The following CERS3 variants were observed in gnomAD, a reference collection of about 807,000 sequenced individuals.
The protein encoded by CERS3 is ceramide synthase 3.
Under a neutral mutation model 50.3 loss-of-function variants are expected in CERS3, and 33 were observed. The ratio of observed to expected loss-of-function variants is 0.66; its 90% CI spans 0.50 to 0.88. CERS3 has a LOEUF of 0.88. CERS3 is among the 40% of genes least tolerant of loss of function. The pLI is 0.00. For synonymous variants in CERS3, 176 were observed against 155.2 expected, an observed-to-expected ratio of 1.13 and a Z score of -0.99; for missense variants, 470 against 460.3, an observed-to-expected ratio of 1.02 and a Z score of -0.19.
At chr15:100,509,730 A>G (rs2411827) in intron 2 of CERS3, among the ~76,000 whole-genome samples, 143,403 of 152,238 alleles carry the variant, frequency 0.94, 67,782 homozygotes, top group Middle Eastern at 0.99. Context: ...CTCTGTAACA[A>G]AAGGACCTTC....
At chr15:100,542,427 C>T (rs1014780289) in intron 1 of CERS3, among the ~76,000 whole-genome samples, 1 of 152,184 alleles carries the variant, frequency 6.6e-6, no homozygotes, top group Non-Finnish European at 1.5e-5. Flanking sequence ...CTTCCATAAT[C>T]GGCAACCGCC....
At chr15:100,512,555 A>C (rs2036375876) in intron 2 of CERS3, among the ~76,000 whole-genome samples, 1 of 152,182 alleles carries the variant, frequency 6.6e-6, no homozygotes, top group Non-Finnish European at 1.5e-5. Flanking sequence ...GAGGGTCTGC[A>C]TGTCAGCCTG....
intron 2 of CERS3, among the ~76,000 whole-genome samples, chr15:100,510,306 C>A (rs953086826): frequency 6.6e-6 from 1 of 151,958 alleles, no homozygotes; most frequent in South Asian, 2.1e-4. Flanking sequence ...AGAAAAATAT[C>A]CTATACTGTA....
At chr15:100,524,402 C>T (rs533955833) in intron 1 of CERS3, among the ~76,000 whole-genome samples, 1 of 152,268 alleles carries the variant, frequency 6.6e-6, no homozygotes, top group Admixed American at 6.5e-5. Flanking sequence ...TTATAGTCAT[C>T]ATCTAGAAAA....
At chr15:100,407,072 C>T (rs2031096833) in intron 11 of CERS3, among the ~76,000 whole-genome samples, 1 of 152,140 alleles carries the variant, frequency 6.6e-6, no homozygotes, top group Non-Finnish European at 1.5e-5. Flanking sequence ...TGGGTCCCTC[C>T]CATGATACAT....
intron 2 of CERS3, among the ~76,000 whole-genome samples, chr15:100,519,158 CA>C (rs11303130): frequency 0.59 from 85,534 of 144,510 alleles, 25,110 homozygotes; most frequent in Admixed American, 0.69. Context: ...GACTCCATCT[CA>C]AAAAAAAAAA....
At chr15:100,538,330 T>C (rs2037120908) in intron 1 of CERS3, among the ~76,000 whole-genome samples, 1 of 152,216 alleles carries the variant, frequency 6.6e-6, no homozygotes, top group Admixed American at 6.5e-5. Context: ...GTGGGAATTC[T>C]GTGTGGGGAC....
chr15:100,490,322 C>T (rs531691966), intron 4 of CERS3, among the ~76,000 whole-genome samples: 12 of 152,140 alleles, frequency 7.9e-5, no homozygotes, highest in Admixed American at 7.9e-4. Context: ...GGAGAATAGT[C>T]GGGGCACAGC....
intron 1 of CERS3, among the ~76,000 whole-genome samples, chr15:100,524,742 TA>T (rs2036737576): frequency 6.6e-6 from 1 of 152,256 alleles, no homozygotes; most frequent in Admixed American, 6.5e-5. Flanking sequence ...TGATGTCAAG[TA>T]ATCTTCATTA....
chr15:100,415,024 G>T (rs954190621), intron 11 of CERS3, among the ~76,000 whole-genome samples: 27 of 152,066 alleles, frequency 1.8e-4, no homozygotes, highest in South Asian at 1.0e-3. Context: ...GAAAATTTTT[G>T]CAATCTACCC....
In CERS3 at chr15:100,475,986, A is replaced by C. The variant is rs185095127; in HGVS notation, c.609+100T>G. 7 of 711,882 alleles carry C rather than the reference A, an allele frequency of 9.8e-6. No individual in the cohort carries two copies. In the African/African-American group the frequency reaches 1.3e-4, roughly 13 times the overall value. The allele number at this position is 711,882 out of a possible 1,614,324, so 44.1% of individuals were successfully genotyped here. On this transcript the variant is annotated intron_variant, in intron 8 of 11. Transcript: ENST00000679737. ...CACACAAAAGCAATGAACTGGACCC[A>C]AAAACACAGAAAAATACAACTTAAA...
chr15:100,501,606 C>A, intron 3 of CERS3, 71 bp downstream of exon 3: 1 of 1,334,370 alleles, frequency 7.5e-7, no homozygotes. Context: ...TCTCACTAAG[C>A]CTAAGACTGT....
intron 11 of CERS3, among the ~76,000 whole-genome samples, chr15:100,413,865 A>T (rs912092050): frequency 9.8e-6 from 1 of 102,064 alleles, no homozygotes; most frequent in Non-Finnish European, 2.3e-5. Context: ...CTGGAAACAT[A>T]TAACCTCCCA....
chr15:100,453,371 A>T (rs1241118193), intron 11 of CERS3, among the ~76,000 whole-genome samples: 5 of 152,242 alleles, frequency 3.3e-5, no homozygotes, highest in African/African-American at 1.2e-4. Context: ...AATGTGATAC[A>T]TTACATCGAC....
chr15:100,460,557 C>T (rs1271635279), intron 10 of CERS3, among the ~76,000 whole-genome samples: 1 of 152,196 alleles, frequency 6.6e-6, no homozygotes, highest in Non-Finnish European at 1.5e-5. Flanking sequence ...AACTGAACCC[C>T]TTTCCATCCA....
At chr15:100,488,256 G>T (rs192629425) in intron 4 of CERS3, among the ~76,000 whole-genome samples, 2 of 152,220 alleles carry the variant, frequency 1.3e-5, no homozygotes. Context: ...GAAGTGTTTT[G>T]TTTTCCTGGT....
At chr15:100,513,846 G>A (rs2036421199) in intron 2 of CERS3, among the ~76,000 whole-genome samples, 1 of 152,136 alleles carries the variant, frequency 6.6e-6, no homozygotes, top group Admixed American at 6.5e-5. Flanking sequence ...TGTGGCATGT[G>A]CATAGGCCAT....
intron 3 of CERS3, among the ~76,000 whole-genome samples, chr15:100,491,160 A>G (rs892643442): frequency 6.6e-6 from 1 of 152,176 alleles, no homozygotes; most frequent in Admixed American, 6.5e-5. Context: ...AATGCATTTT[A>G]TGTTAATCCA....
intron 11 of CERS3, among the ~76,000 whole-genome samples, chr15:100,448,625 C>T (rs868510614): frequency 8.5e-5 from 13 of 152,368 alleles, no homozygotes; most frequent in African/African-American, 1.9e-4. Context: ...GCCTAGCCTC[C>T]GCCAAACTGC....
Sources: gnomAD v4.1 joint callset for allele counts (sites outside exome capture counted in the v4.1 genomes callset) on GRCh38, gnomAD v4.1.1 for gene constraint, MANE v1.5 for transcripts, NCBI Gene and HGNC (gene_info 2026-07-23, HGNC 2026-07-21) for gene names.